Variants in SLC3A1 observed in about 807,000 individuals in gnomAD.
SLC3A1 encodes the protein amino acid transporter heavy chain SLC3A1.
A neutral mutation model predicts 60.3 loss-of-function variants in SLC3A1; 78 were observed. The ratio of observed to expected loss-of-function variants is 1.29; its 90% CI spans 1.08 to 1.56. The LOEUF (loss-of-function observed/expected upper bound fraction) is 1.56, where lower values mean the gene tolerates loss of function less well. Ranked by LOEUF, SLC3A1 falls within the 40% of genes most tolerant of loss-of-function variation. The pLI, the probability that SLC3A1 is intolerant of heterozygous loss-of-function variation, is 0.00. For synonymous variants in SLC3A1, 392 were observed against 307.9 expected (o/e 1.27, Z -2.86); for missense variants, 1,172 against 858.9 (o/e 1.36, Z -4.56).
At position 44,312,666 on chromosome 2, in the gene SLC3A1, A is replaced by G; in HGVS notation, c.1413A>G (p.Thr471=). The change falls in exon 8 of 10, where the codon ACA becomes ACG. Residue 471 remains threonine, a synonymous_variant. Coordinates refer to ENST00000260649, the MANE Select transcript of SLC3A1 (RefSeq NM_000341.4). ...YVNVMNMLLF[T]LPGTPITYYG... ...ACGTGATGAACATGCTTCTTTTCAC[A>G]CTCCCTGGAACTCCTATAACTTACT... 1 of 1,613,542 alleles carries G rather than the reference A, an allele frequency of 6.2e-7. No individual in the cohort carries two copies. The highest frequency in any genetic ancestry group is 8.5e-7 in the Non-Finnish European group (1 of 1,179,540).
intron 1 of SLC3A1, 72 bp downstream of exon 1, chr2:44,276,037 C>G (rs907153307): frequency 7.4e-7 from 1 of 1,354,778 alleles, no homozygotes; most frequent in Non-Finnish European, 1.1e-6. Context: ...TTCTTCAGAA[C>G]CAAATTATGC....
intron 9 of SLC3A1, 136 bp from the exon 10 acceptor site, chr2:44,320,063 G>A (rs940131125): frequency 7.4e-6 from 5 of 671,768 alleles, no homozygotes; most frequent in Non-Finnish European, 1.3e-5. Flanking sequence ...ACTTATTGAT[G>A]CTTACAATTT....
At chr2:44,293,522 GGA>G (rs748346722) in intron 4 of SLC3A1, among the ~76,000 whole-genome samples, 57 of 150,222 alleles carry the variant, frequency 3.8e-4, no homozygotes, top group East Asian at 5.8e-4. Context: ...GTTTTAGGGG[GGA>G]AAAAAAAAAG....
At chr2:44,308,680 C>T (rs1459966618) in intron 7 of SLC3A1, among the ~76,000 whole-genome samples, 1 of 151,930 alleles carries the variant, frequency 6.6e-6, no homozygotes, top group Non-Finnish European at 1.5e-5. Context: ...TATCCTAAAA[C>T]ATTGCTGAAC....
At chr2:44,297,379 G>C (rs1671879882) in intron 4 of SLC3A1, among the ~76,000 whole-genome samples, 1 of 152,116 alleles carries the variant, frequency 6.6e-6, no homozygotes, top group African/African-American at 2.4e-5. Context: ...ACCTGTCCCA[G>C]TACAGGCCAG....
At chr2:44,304,667 A>G (rs1036844481) in intron 7 of SLC3A1, among the ~76,000 whole-genome samples, 8 of 152,196 alleles carry the variant, frequency 5.3e-5, no homozygotes, top group African/African-American at 1.4e-4. Flanking sequence ...TTTCGGGTGT[A>G]GAAGAGGTAC....
rs1285137477 is a variant in SLC3A1 at position 44,297,618 on chromosome 2, C to T, written c.892-2353C>T. Among the ~76,000 whole-genome samples, 4 of 152,330 alleles carry T rather than the reference C, an allele frequency of 2.6e-5. No individual in the cohort carries two copies. The South Asian group carries it at 6.2e-4, about 24-fold the overall frequency. On this transcript the variant is annotated intron_variant, in intron 4 of 9. Coordinates refer to ENST00000260649, the MANE Select transcript of SLC3A1 (RefSeq NM_000341.4). ...CTTGTCCCACATGTCCCCAACTGTT[C>T]TGTAGACCTGAAGCCAGGGAACATG...
At chr2:44,316,907 T>C (rs1434467952) in intron 9 of SLC3A1, among the ~76,000 whole-genome samples, 2 of 152,036 alleles carry the variant, frequency 1.3e-5, no homozygotes, top group Non-Finnish European at 2.9e-5. Context: ...AGAGATACAA[T>C]GTATTAAAGA....
intron 4 of SLC3A1, among the ~76,000 whole-genome samples, chr2:44,295,787 C>T (rs1452473972): frequency 3.9e-5 from 6 of 152,188 alleles, no homozygotes; most frequent in Non-Finnish European, 5.9e-5. Flanking sequence ...GATGTTTACA[C>T]AGAATGGTGC....
intron 1 of SLC3A1, among the ~76,000 whole-genome samples, chr2:44,278,880 C>G (rs181896339): frequency 6.6e-6 from 1 of 152,296 alleles, no homozygotes; most frequent in Admixed American, 6.5e-5. Flanking sequence ...AAAGACTCCT[C>G]AAATATTGGC....
intron 4 of SLC3A1, among the ~76,000 whole-genome samples, chr2:44,294,721 G>T (rs1186936323): frequency 3.9e-5 from 6 of 152,194 alleles, no homozygotes; most frequent in African/African-American, 1.4e-4. Flanking sequence ...TCCTGCTTCT[G>T]GAGGAGTTAG....
chr2:44,278,035 T>C (rs1572788041), intron 1 of SLC3A1, among the ~76,000 whole-genome samples: 1 of 152,158 alleles, frequency 6.6e-6, no homozygotes, highest in Non-Finnish European at 1.5e-5. Context: ...TGCCTCATCA[T>C]AAGATATATT....
chr2:44,321,866 C>G (rs759643353), downstream of SLC3A1: 2 of 1,613,678 alleles, frequency 1.2e-6, no homozygotes, highest in Admixed American at 1.7e-5. Context: ...TGCCTCCAGG[C>G]TGAATATCTA....
At chr2:44,278,046 T>G (rs713447) in intron 1 of SLC3A1, among the ~76,000 whole-genome samples, 117,613 of 152,038 alleles carry the variant, frequency 0.77, 46,297 homozygotes, top group African/African-American at 0.87. Context: ...AAGATATATT[T>G]TGTTGCTGTG....
intron 4 of SLC3A1, among the ~76,000 whole-genome samples, chr2:44,297,658 T>C (rs1414122038): frequency 6.6e-6 from 1 of 152,222 alleles, no homozygotes; most frequent in Non-Finnish European, 1.5e-5. Flanking sequence ...ACTTCTGTAA[T>C]GTTTGGTCAT....
At chr2:44,292,476 G>A (rs1406336083) in intron 4 of SLC3A1, among the ~76,000 whole-genome samples, 1 of 152,092 alleles carries the variant, frequency 6.6e-6, no homozygotes, top group African/African-American at 2.4e-5. Flanking sequence ...AGGGTGTGGG[G>A]GCTGGTAAGA....
intron 4 of SLC3A1, among the ~76,000 whole-genome samples, chr2:44,299,130 C>G (rs1359734600): frequency 6.6e-6 from 1 of 151,752 alleles, no homozygotes; most frequent in Non-Finnish European, 1.5e-5. Flanking sequence ...CTTCCACCTC[C>G]CGGGTTCAAG....
chr2:44,281,587 T>C (rs1434066660), intron 3 of SLC3A1, 46 bp downstream of exon 3: 2 of 1,572,140 alleles, frequency 1.3e-6, no homozygotes, highest in Non-Finnish European at 1.8e-6. Flanking sequence ...AAGGCAGATA[T>C]GTAGTGATTG....
intron 4 of SLC3A1, among the ~76,000 whole-genome samples, chr2:44,290,598 T>A (rs1464183910): frequency 6.6e-6 from 1 of 152,214 alleles, no homozygotes; most frequent in Non-Finnish European, 1.5e-5. Context: ...CTTTCATTTC[T>A]TTCAACAATG....
Sources: allele counts gnomAD v4.1 joint callset (sites outside exome capture counted in the v4.1 genomes callset), GRCh38; gene constraint gnomAD v4.1.1; transcripts MANE v1.5; gene names NCBI Gene and HGNC (gene_info 2026-07-23, HGNC 2026-07-21).